Variants in CALCR observed in about 807,000 individuals in gnomAD.
The protein encoded by CALCR is calcitonin receptor.
Under a neutral mutation model 59.5 loss-of-function variants are expected in CALCR, and 47 were observed. The observed-to-expected ratio is 0.79, with a 90% CI of 0.63 to 1.01. CALCR has a LOEUF of 1.01. Among genes scored for constraint, CALCR ranks in the 50% least tolerant of loss-of-function variants. CALCR has a pLI of 0.00. For missense variants in CALCR, 566 were observed against 597.1 expected (o/e 0.95, Z 0.54); for synonymous variants, 213 against 211.3 (o/e 1.01, Z -0.07).
chr7:93,564,656 G>A (rs1789821013), intron 2 of CALCR, among the ~76,000 whole-genome samples: 1 of 151,886 alleles, frequency 6.6e-6, no homozygotes, highest in Non-Finnish European at 1.5e-5. Context: ...GTTTCGCTAT[G>A]TTGGCCAGGC....
chr7:93,439,592 G>T (rs531072903), intron 9 of CALCR, among the ~76,000 whole-genome samples: 2 of 151,952 alleles, frequency 1.3e-5, no homozygotes, highest in African/African-American at 4.8e-5. Flanking sequence ...TAGGTAGTTT[G>T]CTTTTTCTGT....
intron 3 of CALCR, among the ~76,000 whole-genome samples, chr7:93,484,813 C>T (rs755371526): frequency 1.3e-5 from 2 of 151,698 alleles, no homozygotes; most frequent in African/African-American, 4.8e-5. Flanking sequence ...TCATCAGCAT[C>T]GTCACTGGCA....
intron 2 of CALCR, among the ~76,000 whole-genome samples, chr7:93,503,039 A>T (rs1390415110): frequency 6.6e-6 from 1 of 152,180 alleles, no homozygotes; most frequent in African/African-American, 2.4e-5. Context: ...ACTGAGTCTT[A>T]GAGAGGCTAG....
chr7:93,461,411 T>A (rs1172929801), intron 7 of CALCR, among the ~76,000 whole-genome samples: 3 of 152,158 alleles, frequency 2.0e-5, no homozygotes, highest in African/African-American at 7.2e-5. Context: ...TCTATGTCCT[T>A]GAGCCATTGC....
intron 2 of CALCR, among the ~76,000 whole-genome samples, chr7:93,490,535 GC>G (rs1801051368): frequency 6.6e-6 from 1 of 151,852 alleles, no homozygotes; most frequent in East Asian, 1.9e-4. Context: ...AACTCCTTAA[GC>G]TGAGAAGTAA....
chr7:93,524,642 T>C (rs1322349975), intron 2 of CALCR, among the ~76,000 whole-genome samples: 1 of 141,840 alleles, frequency 7.1e-6, no homozygotes, highest in Admixed American at 7.0e-5. Context: ...CCCATACTTA[T>C]TGATTATGTT....
intron 2 of CALCR, among the ~76,000 whole-genome samples, chr7:93,505,830 C>T (rs1158737544): frequency 6.6e-6 from 1 of 152,112 alleles, no homozygotes; most frequent in African/African-American, 2.4e-5. Flanking sequence ...TTCAAAATGG[C>T]GGCTCCACCT....
chr7:93,496,406 A>G (rs930572125), intron 2 of CALCR, among the ~76,000 whole-genome samples: 1 of 151,514 alleles, frequency 6.6e-6, no homozygotes, highest in Non-Finnish European at 1.5e-5. Flanking sequence ...TCTATAGAAT[A>G]TCCTTTGGAA....
intron 2 of CALCR, among the ~76,000 whole-genome samples, chr7:93,535,369 G>C (rs1038217360): frequency 6.6e-6 from 1 of 151,692 alleles, no homozygotes; most frequent in Non-Finnish European, 1.5e-5. Context: ...ATTACACCTA[G>C]CTGGGTATTT....
intron 2 of CALCR, among the ~76,000 whole-genome samples, chr7:93,562,927 G>T (rs1309057957): frequency 6.6e-6 from 1 of 152,030 alleles, no homozygotes; most frequent in East Asian, 1.9e-4. Flanking sequence ...AATATAGAAC[G>T]TATGAAAAAT....
At chr7:93,536,052 G>C (rs1788975835) in intron 2 of CALCR, among the ~76,000 whole-genome samples, 1 of 151,768 alleles carries the variant, frequency 6.6e-6, no homozygotes, top group Non-Finnish European at 1.5e-5. Flanking sequence ...TACTAGTGTA[G>C]ATAATGCATT....
At chr7:93,442,375 T>C (rs539190085) in intron 9 of CALCR, among the ~76,000 whole-genome samples, 13 of 152,284 alleles carry the variant, frequency 8.5e-5, no homozygotes, top group African/African-American at 2.9e-4. Context: ...GATTATCCCA[T>C]TGGGCTTGGG....
At chr7:93,526,335 T>A (rs1801876449) in intron 2 of CALCR, among the ~76,000 whole-genome samples, 1 of 152,106 alleles carries the variant, frequency 6.6e-6, no homozygotes, top group Non-Finnish European at 1.5e-5. Context: ...TACATCACAC[T>A]GTTACTTGTC....
At chr7:93,451,288 A>T (rs1800104294) in intron 8 of CALCR, among the ~76,000 whole-genome samples, 1 of 151,968 alleles carries the variant, frequency 6.6e-6, no homozygotes, top group South Asian at 2.1e-4. Context: ...TTTTTCTCAT[A>T]AAGAAGAGAT....
intron 7 of CALCR, among the ~76,000 whole-genome samples, chr7:93,462,416 T>C (rs1800356283): frequency 6.6e-6 from 1 of 152,014 alleles, no homozygotes; most frequent in Non-Finnish European, 1.5e-5. Context: ...GCACTAAAGG[T>C]AGGTTGCAAA....
chr7:93,520,912 C>T (rs1023940947), intron 2 of CALCR, among the ~76,000 whole-genome samples: 11 of 151,960 alleles, frequency 7.2e-5, no homozygotes, highest in Non-Finnish European at 1.5e-4. Flanking sequence ...GTGTTGGAGA[C>T]CATTAGCAAC....
At chr7:93,453,521 C>T (rs572599822) in intron 8 of CALCR, among the ~76,000 whole-genome samples, 6 of 152,094 alleles carry the variant, frequency 3.9e-5, no homozygotes, top group African/African-American at 1.2e-4. Flanking sequence ...CATACCCTAA[C>T]GGAGTGTGCA....
chr7:93,569,523 C>G (rs575792746), intron 2 of CALCR, among the ~76,000 whole-genome samples: 47 of 152,196 alleles, frequency 3.1e-4, no homozygotes, highest in Non-Finnish European at 5.9e-4. Context: ...GGGTAACCTC[C>G]CTAGAAAATT....
intron 4 of CALCR, 29 bp downstream of exon 4, chr7:93,479,325 C>T (rs746634899): frequency 2.6e-6 from 4 of 1,566,548 alleles, no homozygotes; most frequent in Middle Eastern, 1.7e-4. Flanking sequence ...GTGTTTCAAA[C>T]ATATGTTCAT....
Sources: gnomAD v4.1 joint callset for allele counts (sites outside exome capture counted in the v4.1 genomes callset) on GRCh38, gnomAD v4.1.1 for gene constraint, MANE v1.5 for transcripts, NCBI Gene and HGNC (gene_info 2026-07-23, HGNC 2026-07-21) for gene names.